The following GPRC5A variants were observed in gnomAD, a reference collection of about 807,000 sequenced individuals.
GPRC5A encodes the protein G protein-coupled receptor class C group 5 member A.
A neutral mutation model predicts 22.5 loss-of-function variants in GPRC5A; 19 were observed. The ratio of observed to expected loss-of-function variants is 0.85; its 90% CI spans 0.59 to 1.24. GPRC5A has a LOEUF of 1.24. GPRC5A is among the 50% of genes most tolerant of loss of function. The pLI is 0.00. For missense variants in GPRC5A, 471 were observed against 451.1 expected, an observed-to-expected ratio of 1.04 and a Z score of -0.40; for synonymous variants, 192 against 184.5, an observed-to-expected ratio of 1.04 and a Z score of -0.33.
At position 12,913,414 on chromosome 12, in the gene GPRC5A, A is replaced by C. The variant is rs1260382794; in HGVS notation, c.*875A>C. The C allele has an allele frequency of 6.6e-6, 1 of 152,350 alleles. No individual in the cohort carries two copies. Among genetic ancestry groups the C allele is most frequent in the African/African-American group, 2.4e-5 (1 of 41,440 alleles). The allele number at this position is 152,350 out of a possible 1,614,324, so 9.4% of individuals were successfully genotyped here. ...TCTGCCAGGAATTCTTTCAGACCTC[A>C]CTAGCACAAGCCCGGTTGCTCCTTG... On this transcript the variant is annotated 3_prime_UTR_variant, in exon 4 of 4. Coordinates refer to ENST00000014914, the MANE Select transcript of GPRC5A (RefSeq NM_003979.4).
intron 1 of GPRC5A, among the ~76,000 whole-genome samples, chr12:12,897,269 A>G (rs563333562): frequency 2.0e-5 from 3 of 151,348 alleles, no homozygotes; most frequent in Non-Finnish European, 4.4e-5. Context: ...TAATAGTAAT[A>G]ATGATAATAA....
intron 1 of GPRC5A, among the ~76,000 whole-genome samples, chr12:12,896,378 T>C (rs1863823087): frequency 1.3e-5 from 2 of 152,196 alleles, no homozygotes; most frequent in Admixed American, 1.3e-4. Flanking sequence ...TTGCCATGAT[T>C]CATCACTTTT....
chr12:12,910,346 G>A (rs563006463), intron 2 of GPRC5A, among the ~76,000 whole-genome samples: 1 of 152,234 alleles, frequency 6.6e-6, no homozygotes, highest in South Asian at 2.1e-4. Flanking sequence ...TGTCCGTTCC[G>A]TGGCTTCACT....
At chr12:12,907,053 T>TA (rs1172274805) in intron 1 of GPRC5A, among the ~76,000 whole-genome samples, 2,996 of 124,990 alleles carry the variant, frequency 0.024, 29 homozygotes, top group African/African-American at 0.03. Flanking sequence ...AAACTCCGTC[T>TA]AAAAAAAAAA....
At chr12:12,902,533 G>T (rs144351100) in intron 1 of GPRC5A, among the ~76,000 whole-genome samples, 6 of 151,030 alleles carry the variant, frequency 4.0e-5, no homozygotes, top group African/African-American at 1.5e-4. Flanking sequence ...GAGGCCGAGA[G>T]GGGGAGGATC....
Position 12,912,129 on chromosome 12 carries a change from AT to A in GPRC5A, c.972del (p.Gln325SerfsTer28). The A allele has an allele frequency of 6.2e-7, 1 of 1,611,140 alleles. No individual in the cohort carries two copies. Among genetic ancestry groups the A allele is most frequent in the Non-Finnish European group, 8.5e-7 (1 of 1,177,288 alleles). The part of the protein sequence containing the change: ...GDTLYAPYST[H>X]FQLQNQPPQK... Reference sequence around the variant, plus strand: ...ACGCTCTATGCCCCCTATTCCACACATTTTCAGCTGCAGGTAAGTGATTTTT... The same window carrying A: ...ACGCTCTATGCCCCCTATTCCACACATTTCAGCTGCAGGTAAGTGATTTTT... On this transcript the variant is annotated frameshift_variant, in exon 3 of 4. Coordinates refer to ENST00000014914, the MANE Select transcript of GPRC5A (RefSeq NM_003979.4). LOFTEE classifies it high-confidence loss of function.
At position 12,909,099 on chromosome 12, in the gene GPRC5A, T is replaced by C; in HGVS notation, c.850T>C (p.Cys284Arg). Residue 284 changes from cysteine (C) to arginine (R), a missense_variant, in exon 2 of 4, where the codon TGT (cysteine) becomes CGT (arginine). Cys to Arg is a radical substitution (Grantham distance 180, BLOSUM62 -3). Transcript: ENST00000014914. ...GGATTATCCTGTTGAGGATGCTTTC[T>C]GTAAACCTCAACTCGTGAAGAAGAG... Reference protein sequence around the residue: ...PMDYPVEDAFCKPQLVKKSYG... With the variant: ...PMDYPVEDAFRKPQLVKKSYG... 1 of 1,602,794 alleles carries C rather than the reference T, an allele frequency of 6.2e-7. No individual in the cohort carries two copies. The highest frequency in any genetic ancestry group is 8.5e-7 in the Non-Finnish European group (1 of 1,179,786).
chr12:12,912,844 C>G lies in GPRC5A; in HGVS notation c.*305C>G. 3.3e-6 allele frequency: 1 copy of G among 306,868 alleles called. No homozygotes were observed. Among genetic ancestry groups the G allele is most frequent in the Middle Eastern group, 1.0e-3 (1 of 998 alleles). 19.0% of individuals were successfully genotyped at this position (306,868 alleles called of 1,614,324 possible). A position where few individuals can be genotyped will look rare whatever the true frequency, so the allele number is the denominator to read the frequency against. On this transcript the variant is annotated 3_prime_UTR_variant, in exon 4 of 4. Coordinates refer to ENST00000014914, the MANE Select transcript of GPRC5A (RefSeq NM_003979.4). ...TACTCTTTTTGTTTGTTTTTTGAAA[C>G]AGGATCTTGCTCTGTCACCCAGGCT...
intron 1 of GPRC5A, among the ~76,000 whole-genome samples, chr12:12,905,612 G>A (rs1462741663): frequency 7.9e-5 from 12 of 152,104 alleles, no homozygotes; most frequent in Non-Finnish European, 1.6e-4. Flanking sequence ...CATCTTATTC[G>A]ACATTGACTT....
Position 12,912,481 on chromosome 12 carries a change from G to C in GPRC5A, c.1016G>C (p.Arg339Pro). 2.4e-5 allele frequency: 39 copies of C among 1,612,936 alleles called. No homozygotes were observed. The highest frequency in any genetic ancestry group is 3.3e-5 in the Non-Finnish European group (39 of 1,178,930). ...CCCCAAAAGGAATTCTCCATCCCAC[G>C]GGCCCACGCTTGGCCGAGCCCTTAC... ...QPPQKEFSIP[R>P]AHAWPSPYKD... The change falls in exon 4 of 4, where the codon CGG (arginine) becomes CCG (proline). Residue 339 changes from arginine to proline, a missense_variant. Arg to Pro is a moderately radical substitution (Grantham distance 103). Transcript: ENST00000014914.
At position 12,915,845 on chromosome 12, in the gene GPRC5A, G is replaced by T; in HGVS notation, c.*3306G>T. ...TGTTTCCCTTCTAAGAAACGCAGTGGTCTCTGAAGCCTGCAGGGGCAGGCC... is the reference window on the plus strand; with the variant it reads ...TGTTTCCCTTCTAAGAAACGCAGTGTTCTCTGAAGCCTGCAGGGGCAGGCC... On this transcript the variant is annotated 3_prime_UTR_variant, in exon 4 of 4. Coordinates refer to ENST00000014914, the MANE Select transcript of GPRC5A (RefSeq NM_003979.4). 1.9e-6 allele frequency: 1 copy of T among 524,030 alleles called. No homozygotes were observed. Among genetic ancestry groups the T allele is most frequent in the Non-Finnish European group, 3.9e-6 (1 of 253,818 alleles). The allele number at this position is 524,030 out of a possible 1,614,324, so 32.5% of individuals were successfully genotyped here. A position where few individuals can be genotyped will look rare whatever the true frequency, so the allele number is the denominator to read the frequency against.
chr12:12,906,192 C>T (rs147974807), intron 1 of GPRC5A, among the ~76,000 whole-genome samples: 2 of 152,134 alleles, frequency 1.3e-5, no homozygotes, highest in African/African-American at 2.4e-5. Flanking sequence ...CCTCAGTTTC[C>T]TCATCTGTAA....
chr12:12,908,530 G>A lies in GPRC5A; in HGVS notation c.281G>A (p.Gly94Glu). ...AFIIGLDGST[G>E]PTRFFLFGIL... ...ATCATCGGACTGGACGGGAGCACAG[G>A]GCCCACACGCTTCTTCCTCTTTGGG... Residue 94 changes from glycine (G) to glutamate (E), a missense_variant, in exon 2 of 4, where the codon GGG becomes GAG. Gly to Glu is a moderately conservative substitution (Grantham distance 98). Coordinates refer to ENST00000014914, the MANE Select transcript of GPRC5A (RefSeq NM_003979.4). 1.2e-6 allele frequency: 2 copies of A among 1,614,074 alleles called. No homozygotes were observed.
At chr12:12,910,388 A>G (rs1268905337) in intron 2 of GPRC5A, among the ~76,000 whole-genome samples, 3 of 152,062 alleles carry the variant, frequency 2.0e-5, no homozygotes, top group African/African-American at 4.8e-5. Context: ...TCCTGTTCTC[A>G]TTCACTGATG....
In GPRC5A at chr12:12,917,697, C is replaced by G. The variant is rs1362434126; in HGVS notation, c.*5158C>G. 1 of 152,212 alleles carries G rather than the reference C, an allele frequency of 6.6e-6. No homozygotes were observed. The highest frequency in any genetic ancestry group is 6.5e-5 in the Admixed American group (1 of 15,276). 9.4% of individuals were successfully genotyped at this position (152,212 alleles called of 1,614,324 possible). A position where few individuals can be genotyped will look rare whatever the true frequency, so the allele number is the denominator to read the frequency against. ...ACAGCTTCTGGTTAAACACAGGTCC[C>G]TCTTCCACATCAAATGAACATTGGC... On this transcript the variant is annotated 3_prime_UTR_variant, in exon 4 of 4. Transcript: ENST00000014914.
chr12:12,903,313 T>G (rs1346835929), intron 1 of GPRC5A, among the ~76,000 whole-genome samples: 1 of 152,192 alleles, frequency 6.6e-6, no homozygotes, highest in Non-Finnish European at 1.5e-5. Context: ...CACGGTCTTA[T>G]TCTATCTCCC....
chr12:12,904,883 GGTT>G (rs1565464312), intron 1 of GPRC5A, among the ~76,000 whole-genome samples: 5 of 111,330 alleles, frequency 4.5e-5, no homozygotes, highest in Admixed American at 1.1e-4. Flanking sequence ...AAAATTTTGT[GGTT>G]TTTTTTTTTT....
intron 1 of GPRC5A, among the ~76,000 whole-genome samples, chr12:12,896,163 C>A (rs1026386097): frequency 6.6e-6 from 1 of 151,952 alleles, no homozygotes; most frequent in African/African-American, 2.4e-5. Context: ...ATTTTATATT[C>A]ACATTAATCA....
At position 12,912,074 on chromosome 12, in the gene GPRC5A, T is replaced by C. The variant is rs1432187459; in HGVS notation, c.923-10T>C. 1.7e-5 allele frequency: 27 copies of C among 1,604,376 alleles called. No individual in the cohort carries two copies. Among genetic ancestry groups the C allele is most frequent in the Non-Finnish European group, 2.3e-5 (27 of 1,171,412 alleles). On this transcript the variant is annotated splice_polypyrimidine_tract_variant and intron_variant, in intron 2 of 3. Transcript: ENST00000014914. ...CCAGTGGTTTAATTTCTCCTGTTCC[T>C]CCATTTCAGGTTTTGAAGAGACAGG...
Sources: gnomAD v4.1 joint callset for allele counts (sites outside exome capture counted in the v4.1 genomes callset) on GRCh38, gnomAD v4.1.1 for gene constraint, MANE v1.5 for transcripts, NCBI Gene and HGNC (gene_info 2026-07-23, HGNC 2026-07-21) for gene names.